The following SPATS1 variants were observed in gnomAD, a reference collection of about 807,000 sequenced individuals.
The protein encoded by SPATS1 is spermatogenesis associated serine rich 1.
In SPATS1, 23 loss-of-function variants were observed where a neutral mutation model predicts 33.6. The observed-to-expected ratio is 0.68, with a 90% CI of 0.49 to 0.97. The LOEUF is 0.97. SPATS1 is among the 50% of genes least tolerant of loss of function. The pLI, the probability that SPATS1 is intolerant of heterozygous loss-of-function variation, is 0.00. For missense variants in SPATS1, 327 were observed against 361.0 expected (o/e 0.91, Z 0.76); for synonymous variants, 131 against 125.6 (o/e 1.04, Z -0.29).
chr6:44,377,096 G>A lies in SPATS1; in HGVS notation c.*33G>A. 1 of 1,613,912 alleles carries A rather than the reference G, an allele frequency of 6.2e-7. No homozygotes were observed. The highest frequency in any genetic ancestry group is 8.5e-7 in the Non-Finnish European group (1 of 1,179,756). ...CAGGCCCACAAAACATGTGCTGACT[G>A]CACTCTGGCGACCCTTTTCCAGTTG... On this transcript the variant is annotated 3_prime_UTR_variant, in exon 9 of 9. Transcript: ENST00000674044.
Position 44,354,937 on chromosome 6 carries a change from C to T in SPATS1, c.287+2064C>T, listed in dbSNP as rs113602435. 3.4e-3 allele frequency among the ~76,000 whole-genome samples: 511 copies of T among 152,304 alleles called. 2 individuals carry two copies. The highest frequency in any genetic ancestry group is 0.012 in the African/African-American group (494 of 41,564). ...TGAAGCAATCCTCCTGCCTCAGCCT[C>T]CTGAGTAGCTGGGACCACAGATGTG... On this transcript the variant is annotated intron_variant, in intron 3 of 8. Transcript: ENST00000674044.
chr6:44,364,133 A>G (rs1162709894), intron 5 of SPATS1, among the ~76,000 whole-genome samples: 1 of 152,212 alleles, frequency 6.6e-6, no homozygotes, highest in East Asian at 1.9e-4. Context: ...CAAATTTCAG[A>G]CATCATATTA....
At chr6:44,343,283 T>C in intron 2 of SPATS1, 49 bp downstream of exon 2, 3 of 1,540,750 alleles carry the variant, frequency 1.9e-6, no homozygotes, top group Non-Finnish European at 1.8e-6. Context: ...CACATCCAAG[T>C]ATACTACACC....
intron 7 of SPATS1, among the ~76,000 whole-genome samples, chr6:44,371,927 A>G (rs1340630849): frequency 3.5e-5 from 5 of 141,990 alleles, no homozygotes; most frequent in Non-Finnish European, 4.5e-5. Flanking sequence ...CCTGGGCGAC[A>G]CAGCGAGACT....
Position 44,371,267 on chromosome 6 carries a change from C to T in SPATS1, c.758+1154C>T, listed in dbSNP as rs1356839489. On this transcript the variant is annotated intron_variant, in intron 7 of 8. Coordinates refer to ENST00000674044, the MANE Select transcript of SPATS1 (RefSeq NM_001372081.1). The stretch of plus-strand genomic sequence containing the variant: ...TGAGCTACGATTGTGCTATGCACTC[C>T]AGCCTAGGTGATAGAGCAAAACCCT... Among the ~76,000 whole-genome samples, 6 of 151,168 alleles carry T rather than the reference C, an allele frequency of 4.0e-5. No individual in the cohort carries two copies. In the South Asian group the frequency reaches 8.4e-4, roughly 21 times the overall value.
rs147009491 is a variant in SPATS1 at position 44,361,656 on chromosome 6, T to A, written c.413-175T>A. The A allele has an allele frequency of 1.9e-5, 14 of 746,320 alleles. No individual in the cohort carries two copies. The Admixed American group carries it at 8.8e-4, about 47-fold the overall frequency. The allele number at this position is 746,320 out of a possible 1,614,324, so 46.2% of individuals were successfully genotyped here. The stretch of plus-strand genomic sequence containing the variant: ...GCTCTCCCCTGACTTCCCTTCCTTT[T>A]GTGTCTAGTCCCACAGAGTTTCACA... On this transcript the variant is annotated intron_variant, in intron 4 of 8. Coordinates refer to ENST00000674044, the MANE Select transcript of SPATS1 (RefSeq NM_001372081.1).
intron 2 of SPATS1, among the ~76,000 whole-genome samples, chr6:44,344,239 G>T (rs1243973045): frequency 6.6e-6 from 1 of 152,168 alleles, no homozygotes; most frequent in African/African-American, 2.4e-5. Flanking sequence ...TAGCAGAAGG[G>T]TACCAGGTCC....
chr6:44,346,919 T>C (rs1787922676), intron 2 of SPATS1, among the ~76,000 whole-genome samples: 2 of 152,186 alleles, frequency 1.3e-5, no homozygotes, highest in Admixed American at 1.3e-4. Flanking sequence ...TAAAGACACA[T>C]GTACACGTAT....
At chr6:44,362,136 AG>A (rs1788961584) in intron 5 of SPATS1, 144 bp downstream of exon 5, 1 of 1,034,488 alleles carries the variant, frequency 9.7e-7, no homozygotes, top group Non-Finnish European at 1.4e-6. Context: ...AGAAAAGTGA[AG>A]GGGACAGTTT....
At chr6:44,344,409 G>A in intron 2 of SPATS1, among the ~76,000 whole-genome samples, 1 of 151,848 alleles carries the variant, frequency 6.6e-6, no homozygotes, top group Non-Finnish European at 1.5e-5. Context: ...GTGTGTGTGT[G>A]TGTGTGTGTG....
At chr6:44,359,370 ACT>A in intron 3 of SPATS1, among the ~76,000 whole-genome samples, 1 of 152,044 alleles carries the variant, frequency 6.6e-6, no homozygotes, top group Admixed American at 6.5e-5. Flanking sequence ...CCAAACAGAA[ACT>A]CTATGACCAT....
chr6:44,350,083 G>T (rs1401713319), intron 2 of SPATS1, among the ~76,000 whole-genome samples: 1 of 152,118 alleles, frequency 6.6e-6, no homozygotes, highest in Non-Finnish European at 1.5e-5. Context: ...TGTGCTGGGG[G>T]CTGCTCTAGG....
rs185839032 is a variant in SPATS1 at position 44,349,045 on chromosome 6, C to T, written c.140-3681C>T. ...ACTCGGGAGGCTGAGACAGGAGAAT[C>T]GCTTGAACCCAAGAGGCGGAGGTTG... On this transcript the variant is annotated intron_variant, in intron 2 of 8. Coordinates refer to ENST00000674044, the MANE Select transcript of SPATS1 (RefSeq NM_001372081.1). 4.7e-4 allele frequency among the ~76,000 whole-genome samples: 72 copies of T among 151,822 alleles called. No homozygotes were observed. In the East Asian group the frequency reaches 9.9e-3, roughly 21 times the overall value.
rs551099111 is a variant in SPATS1, at chr6:44,379,328, C to T, written c.*2265C>T. 1.1e-4 allele frequency among the ~76,000 whole-genome samples: 16 copies of T among 152,058 alleles called. No homozygotes were observed. In the South Asian group the frequency reaches 1.9e-3, roughly 18 times the overall value. ...ACAACCGGCTGGGCGTGGTGGCTCA[C>T]GCCTGTAATCCCAGCACTTTGGGAG... is the stretch of plus-strand genomic sequence containing the variant. On this transcript the variant is annotated 3_prime_UTR_variant, in exon 9 of 9. Transcript: ENST00000674044.
At chr6:44,349,072 A>C (rs534337912) in intron 2 of SPATS1, among the ~76,000 whole-genome samples, 2 of 152,264 alleles carry the variant, frequency 1.3e-5, no homozygotes, top group East Asian at 3.9e-4. Flanking sequence ...CGGAGGTTGC[A>C]GTGAGCTGAG....
At chr6:44,363,127 G>A (rs56858241) in intron 5 of SPATS1, among the ~76,000 whole-genome samples, 6,394 of 141,742 alleles carry the variant, frequency 0.045, 370 homozygotes, top group African/African-American at 0.13. Flanking sequence ...GTAAGCCACC[G>A]TGCCCAGCAC....
chr6:44,375,364 C>T (rs934872226), intron 7 of SPATS1, among the ~76,000 whole-genome samples: 38 of 152,116 alleles, frequency 2.5e-4, no homozygotes, highest in African/African-American at 8.9e-4. Flanking sequence ...GCTGGAGCTC[C>T]GGGAGAAGGG....
rs1788315990 is a variant in SPATS1 at position 44,352,729 on chromosome 6, C to T, written c.143C>T (p.Ala48Val). Residue 48 changes from alanine (A) to valine (V), a missense_variant, in exon 3 of 9, where the codon GCT becomes GTT. Ala to Val is a moderately conservative substitution (Grantham distance 64). Coordinates refer to ENST00000674044, the MANE Select transcript of SPATS1 (RefSeq NM_001372081.1). Reference sequence around the variant, plus strand: ...TGGTGATATCTCTGTGTTACAGGTGCTAATTGCAGTGATTTTCTGGAATCT... The same window carrying T: ...TGGTGATATCTCTGTGTTACAGGTGTTAATTGCAGTGATTTTCTGGAATCT... ...GMTEVERTYS[A>V]NCSDFLESKG... 1.2e-6 allele frequency: 2 copies of T among 1,613,722 alleles called. No homozygotes were observed. Among genetic ancestry groups the T allele is most frequent in the Non-Finnish European group, 1.7e-6 (2 of 1,179,672 alleles).
At chr6:44,346,605 A>G (rs1787899784) in intron 2 of SPATS1, among the ~76,000 whole-genome samples, 1 of 152,082 alleles carries the variant, frequency 6.6e-6, no homozygotes, top group South Asian at 2.1e-4. Context: ...GCTGGTCTTG[A>G]ACTCCTAGCT....
Sources: gnomAD v4.1 joint callset for allele counts (sites outside exome capture counted in the v4.1 genomes callset) on GRCh38, gnomAD v4.1.1 for gene constraint, MANE v1.5 for transcripts, NCBI Gene and HGNC (gene_info 2026-07-23, HGNC 2026-07-21) for gene names.